Variants in RALYL observed in about 807,000 individuals in gnomAD.
RALYL encodes the protein RNA-binding Raly-like protein.
RALYL carries 29 observed loss-of-function variants against 35.1 expected under a neutral mutation model. That is an observed-to-expected ratio of 0.83 (90% CI 0.61 to 1.13). The LOEUF (loss-of-function observed/expected upper bound fraction) is 1.13. Ranked by LOEUF, RALYL falls within the 50% of genes most tolerant of loss-of-function variation. RALYL has a pLI of 0.00. For synonymous variants in RALYL, 120 were observed against 127.6 expected, an observed-to-expected ratio of 0.94 and a Z score of 0.40; for missense variants, 359 against 360.4, an observed-to-expected ratio of 1.00 and a Z score of 0.03.
intron 2 of RALYL, among the ~76,000 whole-genome samples, chr8:84,565,218 C>T (rs1287507161): frequency 6.6e-6 from 1 of 151,530 alleles, no homozygotes; most frequent in East Asian, 1.9e-4. Flanking sequence ...TTAGCTAATA[C>T]TATTTGAGTG....
chr8:84,739,463 A>G (rs1847893063), intron 2 of RALYL, among the ~76,000 whole-genome samples: 1 of 151,980 alleles, frequency 6.6e-6, no homozygotes, highest in Admixed American at 6.6e-5. Context: ...GATATGAATT[A>G]GAATTGTTCA....
intron 2 of RALYL, among the ~76,000 whole-genome samples, chr8:84,612,506 G>A (rs544600798): frequency 2.2e-3 from 342 of 152,076 alleles, no homozygotes; most frequent in Middle Eastern, 6.8e-3. Context: ...TAAAGCTTGA[G>A]AAAGTGACTA....
chr8:84,639,241 A>C (rs1055014372), intron 2 of RALYL, among the ~76,000 whole-genome samples: 22 of 151,900 alleles, frequency 1.4e-4, no homozygotes, highest in Admixed American at 6.6e-4. Flanking sequence ...CTAGAGAAAA[A>C]GAAAAAACAT....
At chr8:84,208,732 A>G (rs1818686996) in intron 1 of RALYL, among the ~76,000 whole-genome samples, 1 of 152,340 alleles carries the variant, frequency 6.6e-6, no homozygotes, top group Non-Finnish European at 1.5e-5. Flanking sequence ...TGACAGAACC[A>G]CTTAGGCTAG....
At chr8:84,328,367 G>A (rs1308262586) in intron 1 of RALYL, among the ~76,000 whole-genome samples, 1 of 152,150 alleles carries the variant, frequency 6.6e-6, no homozygotes, top group Admixed American at 6.6e-5. Flanking sequence ...TACACAATAA[G>A]CGTCATTCAT....
At position 84,354,277 on chromosome 8, in the gene RALYL, A is replaced by C. The variant is rs1363083284; in HGVS notation, c.-24+169853A>C. On this transcript the variant is annotated intron_variant, in intron 1 of 8. Coordinates refer to ENST00000521268, the MANE Select transcript of RALYL (RefSeq NM_173848.7). ...ATGTATTTGGCAAATTTGTAACCCA[A>C]TTCTGGGATGCAACTCTTTTTTTCC... is the stretch of plus-strand genomic sequence containing the variant. Among the ~76,000 whole-genome samples the C allele has an allele frequency of 5.3e-5, 8 of 150,244 alleles. 1 individual carries two copies. The highest frequency in any genetic ancestry group is 8.9e-5 in the Non-Finnish European group (6 of 67,696).
chr8:84,363,319 C>T (rs1456130038), intron 1 of RALYL, among the ~76,000 whole-genome samples: 1 of 152,140 alleles, frequency 6.6e-6, no homozygotes, highest in Non-Finnish European at 1.5e-5. Context: ...GCACATGACC[C>T]AGGACTCAGA....
At chr8:84,440,065 CATT>C (rs2048170733) in intron 1 of RALYL, among the ~76,000 whole-genome samples, 1 of 151,982 alleles carries the variant, frequency 6.6e-6, no homozygotes, top group African/African-American at 2.4e-5. Context: ...ATTTGTAAGT[CATT>C]ATGATTAAGG....
chr8:84,271,598 A>G (rs1410070959), intron 1 of RALYL, among the ~76,000 whole-genome samples: 2 of 151,936 alleles, frequency 1.3e-5, no homozygotes, highest in Non-Finnish European at 2.9e-5. Flanking sequence ...CTAAATGACC[A>G]TCATCTTGTG....
chr8:84,532,682 A>G (rs2059350003), intron 2 of RALYL, among the ~76,000 whole-genome samples: 1 of 152,052 alleles, frequency 6.6e-6, no homozygotes, highest in African/African-American at 2.4e-5. Context: ...TTTGATCTCA[A>G]ATAATGCATA....
chr8:84,881,487 C>T (rs909432750), intron 7 of RALYL, among the ~76,000 whole-genome samples: 1 of 151,898 alleles, frequency 6.6e-6, no homozygotes, highest in Non-Finnish European at 1.5e-5. Flanking sequence ...GCCAACTCAA[C>T]CAATTTTCAT....
At chr8:84,407,733 C>T (rs2043684486) in intron 1 of RALYL, among the ~76,000 whole-genome samples, 1 of 152,030 alleles carries the variant, frequency 6.6e-6, no homozygotes, top group Non-Finnish European at 1.5e-5. Flanking sequence ...AAAATTGGTT[C>T]AGTTTGCAAA....
chr8:84,374,363 T>G (rs1856514096), intron 1 of RALYL, among the ~76,000 whole-genome samples: 2 of 151,986 alleles, frequency 1.3e-5, no homozygotes, highest in Admixed American at 6.6e-5. Flanking sequence ...TACCTCTTAT[T>G]ATTTTGAAAT....
rs866374872 is a variant in RALYL at position 84,759,592 on chromosome 8, T to C, written c.257-14987T>C. ...AACTGGGTTTAGTTTAAGAAATATA[T>C]ACATCTGGTGTCAGAAAGAATTTGT... On this transcript the variant is annotated intron_variant, in intron 2 of 8. Transcript: ENST00000521268. Among the ~76,000 whole-genome samples, 3 of 152,308 alleles carry C rather than the reference T, an allele frequency of 2.0e-5. No homozygotes were observed. In the South Asian group the frequency reaches 6.2e-4, roughly 32 times the overall value.
intron 2 of RALYL, among the ~76,000 whole-genome samples, chr8:84,723,148 A>G (rs2132672286): frequency 6.6e-6 from 1 of 152,160 alleles, no homozygotes; most frequent in Non-Finnish European, 1.5e-5. Flanking sequence ...CTAAATTTAT[A>G]TAGGAAACTT....
chr8:84,711,617 T>C (rs900928247), intron 2 of RALYL, among the ~76,000 whole-genome samples: 1 of 152,178 alleles, frequency 6.6e-6, no homozygotes, highest in Admixed American at 6.6e-5. Context: ...TAAGGCTTTT[T>C]AAGGCATTGA....
At chr8:84,297,900 T>A (rs1009346481) in intron 1 of RALYL, among the ~76,000 whole-genome samples, 1 of 151,966 alleles carries the variant, frequency 6.6e-6, no homozygotes, top group East Asian at 1.9e-4. Flanking sequence ...GTGTTGTTTG[T>A]TTAACTGTTT....
At chr8:84,426,332 C>T (rs1426422313) in intron 1 of RALYL, among the ~76,000 whole-genome samples, 1 of 152,080 alleles carries the variant, frequency 6.6e-6, no homozygotes, top group Non-Finnish European at 1.5e-5. Flanking sequence ...GATCTCTACA[C>T]TCTTGCATCC....
intron 1 of RALYL, among the ~76,000 whole-genome samples, chr8:84,387,223 A>G (rs1304987274): frequency 3.3e-5 from 5 of 151,860 alleles, no homozygotes; most frequent in Non-Finnish European, 1.5e-5. Flanking sequence ...GCCAGGTACT[A>G]TATGGTAGGC....
Sources: gnomAD v4.1 joint callset for allele counts (sites outside exome capture counted in the v4.1 genomes callset) on GRCh38, gnomAD v4.1.1 for gene constraint, MANE v1.5 for transcripts, NCBI Gene and HGNC (gene_info 2026-07-23, HGNC 2026-07-21) for gene names.